ELAVL2: variants seen among roughly 807,000 people sequenced by gnomAD.
ELAVL2 encodes ELAV-like protein 2.
A neutral mutation model predicts 34.6 loss-of-function variants in ELAVL2; 4 were observed. The ratio of observed to expected loss-of-function variants is 0.12; its 90% CI spans 0.06 to 0.26. The LOEUF is 0.26. Among genes scored for constraint, ELAVL2 ranks in the 10% least tolerant of loss-of-function variants. The pLI is 1.00. For synonymous variants in ELAVL2, 193 were observed against 154.8 expected (o/e 1.25, Z -1.83); for missense variants, 432 against 442.8 (o/e 0.98, Z 0.22).
At chr9:23,744,674 T>C (rs1477905109) in intron 2 of ELAVL2, among the ~76,000 whole-genome samples, 1 of 152,012 alleles carries the variant, frequency 6.6e-6, no homozygotes, top group Non-Finnish European at 1.5e-5. Flanking sequence ...AACATATATA[T>C]ACTGAAATGG....
intron 3 of ELAVL2, among the ~76,000 whole-genome samples, chr9:23,706,321 T>C (rs1373556949): frequency 6.6e-6 from 1 of 152,228 alleles, no homozygotes; most frequent in African/African-American, 2.4e-5. Context: ...GTCATCACTG[T>C]ATCCTCAATG....
chr9:23,791,262 G>A (rs1424547438), intron 1 of ELAVL2, among the ~76,000 whole-genome samples: 1 of 152,180 alleles, frequency 6.6e-6, no homozygotes, highest in East Asian at 1.9e-4. Context: ...GGAGCAAGGA[G>A]TCTTGACCAA....
rs58828236 is a variant in ELAVL2 at position 23,702,951 on chromosome 9, CAAAAAAAAAAAA to C, written c.488-1359_488-1348del. ...TTCCATTAGAAAAGCATCAGATTAG[CAAAAAAAAAAAA>C]AAAAAAAAAAAAAAAAAACAGCCTC... On this transcript the variant is annotated intron_variant, in intron 4 of 6. Transcript: ENST00000397312. Among the ~76,000 whole-genome samples the C allele has an allele frequency of 9.4e-4, 45 of 47,650 alleles. No homozygotes were observed. The South Asian group carries it at 0.025, about 26-fold the overall frequency. 31.3% of individuals were successfully genotyped at this position (47,650 alleles called of 152,430 possible).
intron 3 of ELAVL2, among the ~76,000 whole-genome samples, chr9:23,729,470 C>G (rs1037032470): frequency 4.6e-5 from 7 of 152,154 alleles, no homozygotes; most frequent in Non-Finnish European, 2.9e-5. Flanking sequence ...AGTAAAAGAT[C>G]TCTGACACAG....
At chr9:23,730,978 A>C in intron 3 of ELAVL2, 44 bp downstream of exon 3, 1 of 1,540,764 alleles carries the variant, frequency 6.5e-7, no homozygotes, top group South Asian at 1.2e-5. Flanking sequence ...TAATTTTTTT[A>C]AACTTCTGTT....
intron 3 of ELAVL2, among the ~76,000 whole-genome samples, chr9:23,714,897 C>T (rs535248491): frequency 8.1e-4 from 123 of 152,138 alleles, no homozygotes; most frequent in African/African-American, 2.8e-3. Flanking sequence ...TGAATACATT[C>T]GAGAGACTAA....
At chr9:23,802,604 A>C (rs2137702733) in intron 1 of ELAVL2, among the ~76,000 whole-genome samples, 1 of 152,304 alleles carries the variant, frequency 6.6e-6, no homozygotes. Context: ...CATTAGGCTA[A>C]TCCAGTGGTT....
At chr9:23,705,488 A>G (rs2039011896) in intron 3 of ELAVL2, among the ~76,000 whole-genome samples, 1 of 152,196 alleles carries the variant, frequency 6.6e-6, no homozygotes, top group South Asian at 2.1e-4. Context: ...AAGTTCTTAA[A>G]ACAGACCAGT....
At chr9:23,751,273 C>T (rs77248939) in intron 2 of ELAVL2, among the ~76,000 whole-genome samples, 1 of 152,174 alleles carries the variant, frequency 6.6e-6, no homozygotes, top group African/African-American at 2.4e-5. Context: ...TAAAAATAAA[C>T]TCTAATTCAC....
At chr9:23,730,477 T>C (rs993619868) in intron 3 of ELAVL2, among the ~76,000 whole-genome samples, 1 of 152,200 alleles carries the variant, frequency 6.6e-6, no homozygotes. Context: ...GAATGGTTTT[T>C]ACATTTTTTA....
At chr9:23,745,560 A>G (rs2050287195) in intron 2 of ELAVL2, among the ~76,000 whole-genome samples, 1 of 152,146 alleles carries the variant, frequency 6.6e-6, no homozygotes, top group African/African-American at 2.4e-5. Flanking sequence ...AAAAAAACAT[A>G]CTGTAATAAA....
chr9:23,811,103 G>C (rs2138083703), intron 1 of ELAVL2, among the ~76,000 whole-genome samples: 1 of 152,220 alleles, frequency 6.6e-6, no homozygotes, highest in Admixed American at 6.5e-5. Context: ...CACTCTTCCT[G>C]TCTAGGTCAC....
At chr9:23,756,928 C>G (rs1410609863) in intron 2 of ELAVL2, among the ~76,000 whole-genome samples, 1 of 152,092 alleles carries the variant, frequency 6.6e-6, no homozygotes, top group African/African-American at 2.4e-5. Context: ...ATTTCTAGCA[C>G]TCATTACAAG....
chr9:23,745,222 T>C (rs906508798), intron 2 of ELAVL2, among the ~76,000 whole-genome samples: 4 of 151,958 alleles, frequency 2.6e-5, no homozygotes, highest in Non-Finnish European at 5.9e-5. Flanking sequence ...ACAAATAAAA[T>C]ACAAATCAAA....
the ELAVL2 span, among the ~76,000 whole-genome samples, chr9:23,846,939 T>A: frequency 6.6e-6 from 1 of 152,084 alleles, no homozygotes; most frequent in Non-Finnish European, 1.5e-5. Flanking sequence ...GATAGATTTT[T>A]GATTCACATC....
chr9:23,748,302 T>C (rs1334504444), intron 2 of ELAVL2, among the ~76,000 whole-genome samples: 2 of 152,156 alleles, frequency 1.3e-5, no homozygotes, highest in Non-Finnish European at 2.9e-5. Context: ...TTCCTTCAAG[T>C]GCTCAGCAGA....
the ELAVL2 span, among the ~76,000 whole-genome samples, chr9:23,836,371 G>A: frequency 6.6e-6 from 1 of 152,186 alleles, no homozygotes; most frequent in South Asian, 2.1e-4. Flanking sequence ...TTTTCCTGTA[G>A]ATGATATTTC....
rs773513649 is a variant in ELAVL2 at position 23,692,773 on chromosome 9, A to G, written c.864T>C (p.Asp288=). ...IFVYNLAPDA[D]ESILWQMFGP... The stretch of plus-strand genomic sequence containing the variant: ...CAAACATTTGCCACAGGATACTCTC[A>G]TCTGCGTCAGGAGCCAGGTTGTACA... The change falls in exon 7 of 7, where the codon GAT becomes GAC. Residue 288 remains aspartate (D), a synonymous_variant. Coordinates refer to ENST00000397312, the MANE Select transcript of ELAVL2 (RefSeq NM_004432.5). 1.2e-6 allele frequency: 2 copies of G among 1,612,588 alleles called. No individual in the cohort carries two copies. The highest frequency in any genetic ancestry group is 1.7e-6 in the Non-Finnish European group (2 of 1,178,678).
rs752511575 is a variant in ELAVL2 at position 23,692,827 on chromosome 9, C to T, written c.810G>A (p.Gly270=). ...ATATACACCACCCTGTTCCAGGGTG[C>T]CCAGGGATATTAATTCCAGCCAAAC... is the stretch of plus-strand genomic sequence containing the variant. ...MTSLAGINIP[G]HPGTGWCIFV... The change falls in exon 7 of 7, where the codon GGG becomes GGA. Residue 270 remains glycine (G), a synonymous_variant. Coordinates refer to ENST00000397312, the MANE Select transcript of ELAVL2 (RefSeq NM_004432.5). 8.1e-6 allele frequency: 13 copies of T among 1,613,960 alleles called. No homozygotes were observed. The Admixed American group carries it at 1.8e-4, about 23-fold the overall frequency.
Sources: allele counts gnomAD v4.1 joint callset (sites outside exome capture counted in the v4.1 genomes callset), GRCh38; gene constraint gnomAD v4.1.1; transcripts MANE v1.5; gene names NCBI Gene and HGNC (gene_info 2026-07-23, HGNC 2026-07-21).